Variants in DOCK9 observed in about 807,000 individuals in gnomAD.
The protein encoded by DOCK9 is dedicator of cytokinesis protein 9.
DOCK9 carries 89 observed loss-of-function variants against 263.3 expected under a neutral mutation model. The ratio of observed to expected loss-of-function variants is 0.34; its 90% confidence interval spans 0.28 to 0.40. The LOEUF is 0.40. Ranked by LOEUF, DOCK9 falls within the 10% of genes least tolerant of loss-of-function variation. DOCK9 has a pLI of 1.00. For synonymous variants in DOCK9, 976 were observed against 973.1 expected, an observed-to-expected ratio of 1.00 and a Z score of -0.06; for missense variants, 2,140 against 2,603.4, an observed-to-expected ratio of 0.82 and a Z score of 3.87.
intron 39 of DOCK9, chr13:98,834,455 C>T (rs547462363): frequency 6.6e-6 from 1 of 152,346 alleles, no homozygotes; most frequent in African/African-American, 2.4e-5. Context: ...AGATCACAAG[C>T]TGCCTCGCAA....
At chr13:98,950,646 T>C (rs1457402950) in intron 2 of DOCK9, among the ~76,000 whole-genome samples, 1 of 152,222 alleles carries the variant, frequency 6.6e-6, no homozygotes, top group Non-Finnish European at 1.5e-5. Context: ...TGTCCTCTGT[T>C]TGTTTACACC....
intron 1 of DOCK9, among the ~76,000 whole-genome samples, chr13:99,071,587 A>C (rs945121186): frequency 2.0e-5 from 3 of 152,034 alleles, no homozygotes; most frequent in African/African-American, 7.2e-5. Flanking sequence ...GAGGATGAGG[A>C]GGGACTGGTC....
chr13:98,850,671 C>T (rs1298159875), intron 35 of DOCK9, among the ~76,000 whole-genome samples: 1 of 152,136 alleles, frequency 6.6e-6, no homozygotes, highest in African/African-American at 2.4e-5. Context: ...GTTTCTCTCC[C>T]CTAACTTTTT....
In DOCK9 at chr13:98,888,692, G is replaced by A. The variant is rs2046172958; in HGVS notation, c.1729C>T (p.Leu577Phe). The change falls in exon 16 of 53, where the codon CTC becomes TTC. Residue 577 changes from leucine to phenylalanine, a missense_variant. Transcript: ENST00000682017. ...TCTAGATTGCCTAAAATCACTGGGA[G>A]CTTAGCCATCTTCTCAGGTCTGCAA... ...DFRKPEKMAKLPVILGNLDIT... is the reference protein window; with the variant it reads ...DFRKPEKMAKFPVILGNLDIT... 1 of 1,613,598 alleles carries A rather than the reference G, an allele frequency of 6.2e-7. No individual in the cohort carries two copies. Among genetic ancestry groups the A allele is most frequent in the Non-Finnish European group, 8.5e-7 (1 of 1,179,798 alleles).
intron 1 of DOCK9, among the ~76,000 whole-genome samples, chr13:99,032,041 A>C (rs1887395748): frequency 6.6e-6 from 1 of 152,344 alleles, no homozygotes; most frequent in Non-Finnish European, 1.5e-5. Flanking sequence ...CTGATGATTC[A>C]AATTTCCTGG....
chr13:98,887,143 ATTTTTT>A (rs58434344), intron 18 of DOCK9, among the ~76,000 whole-genome samples: 38 of 95,122 alleles, frequency 4.0e-4, no homozygotes, highest in South Asian at 7.3e-4. Context: ...ATATATATAT[ATTTTTT>A]TTTTTTTTTT....
intron 1 of DOCK9, among the ~76,000 whole-genome samples, chr13:98,958,073 G>C (rs2058257078): frequency 6.6e-6 from 1 of 152,236 alleles, no homozygotes; most frequent in South Asian, 2.1e-4. Flanking sequence ...CTGGACAGGG[G>C]GTTGGAGGGA....
chr13:98,938,629 A>G (rs2055295212), intron 2 of DOCK9, among the ~76,000 whole-genome samples: 1 of 152,218 alleles, frequency 6.6e-6, no homozygotes, highest in South Asian at 2.1e-4. Flanking sequence ...AAGATTCACT[A>G]TGTAGATTTA....
At chr13:98,911,195 C>G (rs1215484623) in intron 9 of DOCK9, among the ~76,000 whole-genome samples, 1 of 152,216 alleles carries the variant, frequency 6.6e-6, no homozygotes, top group Non-Finnish European at 1.5e-5. Context: ...TTACTTTCCA[C>G]CTTTCTACCT....
At chr13:98,815,470 T>TTTTG (rs930330739) in intron 45 of DOCK9, among the ~76,000 whole-genome samples, 9 of 152,214 alleles carry the variant, frequency 5.9e-5, no homozygotes, top group Non-Finnish European at 8.8e-5. Flanking sequence ...TAAAATTTTT[T>TTTTG]TTTGTTTGTT....
chr13:98,963,768 A>G (rs1328647746), intron 1 of DOCK9, among the ~76,000 whole-genome samples: 3 of 152,248 alleles, frequency 2.0e-5, no homozygotes, highest in Admixed American at 6.5e-5. Flanking sequence ...CAATGTTGCC[A>G]ACAGGACACC....
At chr13:99,008,358 C>T (rs1159008884) in intron 1 of DOCK9, among the ~76,000 whole-genome samples, 2 of 151,458 alleles carry the variant, frequency 1.3e-5, no homozygotes, top group African/African-American at 2.4e-5. Flanking sequence ...CTCAGCCTCC[C>T]GAGTAGCTGG....
chr13:98,954,770 C>CA (rs923873185), intron 2 of DOCK9, among the ~76,000 whole-genome samples: 4 of 151,760 alleles, frequency 2.6e-5, no homozygotes, highest in Non-Finnish European at 5.9e-5. Context: ...GGTACTTGGC[C>CA]AAAAAATCTA....
At chr13:98,971,830 T>C (rs1007616893) in intron 1 of DOCK9, among the ~76,000 whole-genome samples, 2 of 152,204 alleles carry the variant, frequency 1.3e-5, no homozygotes, top group African/African-American at 4.8e-5. Flanking sequence ...TAAGAGTGAC[T>C]CCTGACGGCA....
At chr13:99,077,953 C>T (rs1380286825) in intron 1 of DOCK9, among the ~76,000 whole-genome samples, 2 of 151,928 alleles carry the variant, frequency 1.3e-5, no homozygotes, top group African/African-American at 2.4e-5. Context: ...CAGAAAGTAA[C>T]GAATGTAGTG....
intron 1 of DOCK9, among the ~76,000 whole-genome samples, chr13:99,002,535 C>T (rs1268759810): frequency 1.3e-5 from 2 of 152,220 alleles, no homozygotes; most frequent in Non-Finnish European, 2.9e-5. Flanking sequence ...TATCCTTCTC[C>T]ACGGTCCCTG....
At chr13:98,806,745 C>T (rs1272168694) in intron 48 of DOCK9, among the ~76,000 whole-genome samples, 2 of 151,818 alleles carry the variant, frequency 1.3e-5, no homozygotes, top group Non-Finnish European at 2.9e-5. Context: ...CCTGTCTCTA[C>T]CAAAAATACA....
At position 98,856,017 on chromosome 13, in the gene DOCK9, T is replaced by C. The variant is rs753028152; in HGVS notation, c.3712A>G (p.Thr1238Ala). 3.1e-6 allele frequency: 5 copies of C among 1,613,846 alleles called. No homozygotes were observed. In the Admixed American group the frequency reaches 6.7e-5, roughly 22 times the overall value. The change falls in exon 34 of 53, where the codon ACC becomes GCC. Residue 1238 changes from threonine (T) to alanine (A), a missense_variant. This residue lies in a region of DOCK9 where 1,521 missense variants were observed against 1,741.7 expected (regional missense o/e 0.87). Coordinates refer to ENST00000682017, the MANE Select transcript of DOCK9 (RefSeq NM_001366683.2). ...ACACTGTTGATGTTTGGAGTTGAGG[T>C]TGTATATGGAGAAGCTAAATGGAAA... ...AISGIASPYT[T>A]STPNINSVRN...
At position 98,942,245 on chromosome 13, in the gene DOCK9, T is replaced by G. The variant is rs1314428295; in HGVS notation, c.244-11988A>C. ...GTTTTTTTTTTTGTTGTTTTTTTTT[T>G]TTGTTTTTTTGAGACAGAGTCTCGC... On this transcript the variant is annotated intron_variant, in intron 2 of 52. Transcript: ENST00000682017. Among the ~76,000 whole-genome samples the G allele has an allele frequency of 2.1e-3, 319 of 150,258 alleles. 3 individuals carry two copies. The highest frequency in any genetic ancestry group is 7.2e-3 in the African/African-American group (294 of 40,762).
Sources: allele counts gnomAD v4.1 joint callset (sites outside exome capture counted in the v4.1 genomes callset), GRCh38; gene constraint gnomAD v4.1.1; regional missense constraint gnomAD v4.1.1; transcripts MANE v1.5; gene names NCBI Gene and HGNC (gene_info 2026-07-23, HGNC 2026-07-21).